The following IQGAP1 variants were observed in gnomAD, a reference collection of about 807,000 sequenced individuals.
The protein encoded by IQGAP1 is ras GTPase-activating-like protein IQGAP1.
A neutral mutation model predicts 215.6 loss-of-function variants in IQGAP1; 66 were observed. That is an observed-to-expected ratio of 0.31 (90% confidence interval 0.25 to 0.38). The LOEUF (loss-of-function observed/expected upper bound fraction) is 0.38, where lower values mean the gene tolerates loss of function less well. Ranked by LOEUF, IQGAP1 falls within the 10% of genes least tolerant of loss-of-function variation. IQGAP1 has a pLI of 1.00. For missense variants in IQGAP1, 1,712 were observed against 1,997.1 expected, an observed-to-expected ratio of 0.86 and a Z score of 2.72; for synonymous variants, 772 against 728.7, an observed-to-expected ratio of 1.06 and a Z score of -0.96.
rs151298588 is a variant in IQGAP1 at position 90,491,421 on chromosome 15, A to G, written c.4337A>G (p.Glu1446Gly). The G allele has an allele frequency of 4.2e-5, 67 of 1,614,184 alleles. No homozygotes were observed. In the East Asian group the frequency reaches 1.0e-3, roughly 25 times the overall value. ...ATGAAAAAGTCAAAATCTGTAAAGG[A>G]AGACAGCAACCTCACTCTTCAAGAG... is the stretch of plus-strand genomic sequence containing the variant. ...DKMKKSKSVK[E>G]DSNLTLQEKK... The change falls in exon 34 of 38, where the codon GAA (glutamate) becomes GGA (glycine). Residue 1446 changes from glutamate (E) to glycine (G), a missense_variant. By Grantham distance (98) the Glu-to-Gly change is moderately conservative. This residue lies in a region of IQGAP1 where 691 missense variants were observed against 923.0 expected (regional missense o/e 0.75). Coordinates refer to ENST00000268182, the MANE Select transcript of IQGAP1 (RefSeq NM_003870.4).
At chr15:90,451,147 T>C (rs899761368) in intron 11 of IQGAP1, among the ~76,000 whole-genome samples, 2 of 152,218 alleles carry the variant, frequency 1.3e-5, no homozygotes, top group East Asian at 3.8e-4. Flanking sequence ...TTGTATATTA[T>C]GAGAGATAGG....
chr15:90,414,240 A>G (rs1965011397), intron 2 of IQGAP1, among the ~76,000 whole-genome samples: 1 of 151,476 alleles, frequency 6.6e-6, no homozygotes, highest in African/African-American at 2.4e-5. Context: ...GCGGGGAGGG[A>G]GTTGGGGGTT....
chr15:90,445,059 C>A (rs1965508092), intron 9 of IQGAP1, among the ~76,000 whole-genome samples: 2 of 152,006 alleles, frequency 1.3e-5, no homozygotes, highest in Admixed American at 1.3e-4. Context: ...GAGGTTGAGG[C>A]TACAGTGAGC....
chr15:90,432,389 G>GCTCCCAT (rs1433540480), intron 4 of IQGAP1, among the ~76,000 whole-genome samples: 1 of 151,952 alleles, frequency 6.6e-6, no homozygotes, highest in Non-Finnish European at 1.5e-5. Context: ...TACCTCCCCA[G>GCTCCCAT]CTCCCATCTC....
At chr15:90,405,721 A>G (rs1964868018) in intron 2 of IQGAP1, among the ~76,000 whole-genome samples, 1 of 148,990 alleles carries the variant, frequency 6.7e-6, no homozygotes, top group Non-Finnish European at 1.5e-5. Flanking sequence ...CCTCAAACCT[A>G]CTTTATCAAT....
intron 5 of IQGAP1, among the ~76,000 whole-genome samples, chr15:90,437,708 A>G (rs1012413492): frequency 5.3e-5 from 8 of 151,944 alleles, no homozygotes; most frequent in African/African-American, 1.2e-4. Flanking sequence ...CTGGCTAATT[A>G]AGAAATTTTT....
At position 90,466,438 on chromosome 15, in the gene IQGAP1, T is replaced by A; in HGVS notation, c.2035+2T>A. The stretch of plus-strand genomic sequence containing the variant: ...CCAAGAAGAAAAAACTGGCAGTAGG[T>A]GAGTTCTGGGATAATACATATGTGC... On this transcript the variant is annotated splice_donor_variant, in intron 17 of 37. Transcript: ENST00000268182. LOFTEE classifies it high-confidence loss of function. The A allele has an allele frequency of 6.2e-7, 1 of 1,613,934 alleles. No individual in the cohort carries two copies. Among genetic ancestry groups the A allele is most frequent in the Non-Finnish European group, 8.5e-7 (1 of 1,179,934 alleles).
intron 8 of IQGAP1, among the ~76,000 whole-genome samples, chr15:90,442,066 G>A (rs973546738): frequency 1.9e-4 from 29 of 151,858 alleles, no homozygotes; most frequent in East Asian, 1.4e-3. Flanking sequence ...ATTCTAGAGC[G>A]TAGCCATTAA....
intron 17 of IQGAP1, among the ~76,000 whole-genome samples, chr15:90,466,886 G>C (rs966471533): frequency 2.0e-5 from 3 of 152,238 alleles, no homozygotes; most frequent in African/African-American, 7.2e-5. Flanking sequence ...GAGGTCAGGA[G>C]TTCAAGACTA....
chr15:90,444,424 G>C (rs940954731), intron 9 of IQGAP1, among the ~76,000 whole-genome samples: 1 of 151,982 alleles, frequency 6.6e-6, no homozygotes, highest in Non-Finnish European at 1.5e-5. Flanking sequence ...TAGGACTACA[G>C]TCATGCGCTG....
intron 2 of IQGAP1, among the ~76,000 whole-genome samples, chr15:90,423,856 G>A (rs1196467873): frequency 6.6e-6 from 1 of 152,116 alleles, no homozygotes; most frequent in Admixed American, 6.5e-5. Context: ...AAGAATGCTG[G>A]GAGATGTTAC....
chr15:90,435,783 A>G (rs1965362570), intron 5 of IQGAP1, among the ~76,000 whole-genome samples: 2 of 152,108 alleles, frequency 1.3e-5, no homozygotes, highest in East Asian at 1.9e-4. Context: ...ATTGTTTTCC[A>G]TTTCTCTTGA....
rs1778673461 is a variant in IQGAP1, at chr15:90,502,064, TTA to T, written c.*1958_*1959del. On this transcript the variant is annotated 3_prime_UTR_variant, in exon 38 of 38. Transcript: ENST00000268182. ...ACCACACAGTTCTCATTACTGTTATTTATTAGCTGTAGCATTCTCTGTCTCCT... is the reference window on the plus strand; with the variant it reads ...ACCACACAGTTCTCATTACTGTTATTTTAGCTGTAGCATTCTCTGTCTCCT... 1 of 152,670 alleles carries T rather than the reference TTA, an allele frequency of 6.6e-6. No homozygotes were observed. The highest frequency in any genetic ancestry group is 2.4e-5 in the African/African-American group (1 of 41,460). 9.5% of individuals were successfully genotyped at this position (152,670 alleles called of 1,614,324 possible).
At chr15:90,451,692 A>G (rs1339416821) in intron 11 of IQGAP1, among the ~76,000 whole-genome samples, 1 of 152,034 alleles carries the variant, frequency 6.6e-6, no homozygotes, top group Non-Finnish European at 1.5e-5. Flanking sequence ...TGGTAGGGAC[A>G]AATAAACCAA....
chr15:90,424,838 TAAAAA>T (rs951002276), intron 2 of IQGAP1, among the ~76,000 whole-genome samples: 2 of 141,238 alleles, frequency 1.4e-5, no homozygotes. Context: ...GACTCCAACT[TAAAAA>T]AAAAAAAATT....
At chr15:90,475,626 G>A (rs1965968532) in intron 23 of IQGAP1, 1 of 151,730 alleles carries the variant, frequency 6.6e-6, no homozygotes, top group Admixed American at 6.6e-5. Flanking sequence ...GGTAGTACAT[G>A]CCTGTAATTT....
intron 3 of IQGAP1, among the ~76,000 whole-genome samples, chr15:90,429,377 GC>G (rs1007286491): frequency 2.6e-5 from 4 of 152,170 alleles, no homozygotes; most frequent in African/African-American, 9.7e-5. Flanking sequence ...GTTCTGTTGA[GC>G]ACACTATACA....
chr15:90,471,606 TCTC>T (rs1452505245), intron 18 of IQGAP1, among the ~76,000 whole-genome samples: 2 of 152,054 alleles, frequency 1.3e-5, no homozygotes, highest in Admixed American at 6.5e-5. Context: ...TTCAAGCGAT[TCTC>T]CTGCCTCAGC....
chr15:90,470,962 C>T (rs1344616019), intron 18 of IQGAP1, among the ~76,000 whole-genome samples: 1 of 152,014 alleles, frequency 6.6e-6, no homozygotes, highest in African/African-American at 2.4e-5. Context: ...CATTGGCTGC[C>T]TTCTCCTACA....
Sources: gnomAD v4.1 joint callset for allele counts (sites outside exome capture counted in the v4.1 genomes callset) on GRCh38, gnomAD v4.1.1 for gene constraint, gnomAD v4.1.1 regional missense constraint, MANE v1.5 for transcripts, NCBI Gene and HGNC (gene_info 2026-07-23, HGNC 2026-07-21) for gene names.